Variants in ZNF91 observed in about 807,000 individuals in gnomAD.
ZNF91 encodes the protein zinc finger protein 91, also known as zinc finger protein 91 (HPF7, HTF10).
A neutral mutation model predicts 12.6 loss-of-function variants in ZNF91; 7 were observed. That is an observed-to-expected ratio of 0.55 (90% CI 0.31 to 1.04). The LOEUF is 1.04. Among genes scored for constraint, ZNF91 ranks in the 50% least tolerant of loss-of-function variants. The probability of loss-of-function intolerance (pLI) is 0.05; values close to 1 mark genes in which losing one functional copy is unlikely to be tolerated. For missense variants in ZNF91, 1,217 were observed against 1,385.4 expected, an observed-to-expected ratio of 0.88 and a Z score of 1.93; for synonymous variants, 453 against 462.6, an observed-to-expected ratio of 0.98 and a Z score of 0.27.
upstream of ZNF91, among the ~76,000 whole-genome samples, chr19:23,313,046 T>C (rs1455836274): frequency 1.3e-5 from 2 of 152,246 alleles, no homozygotes; most frequent in Non-Finnish European, 2.9e-5. Context: ...ACAGGAAAGA[T>C]TGTGCCTCTC....
At chr19:23,392,395 T>TC (rs1970096408) in intron 1 of ZNF91, among the ~76,000 whole-genome samples, 1 of 64,812 alleles carries the variant, frequency 1.5e-5, no homozygotes, top group Admixed American at 1.8e-4. Flanking sequence ...AAACTCCATC[T>TC]CAAAAAAAAA....
intron 3 of ZNF91, among the ~76,000 whole-genome samples, chr19:23,350,120 GACT>G (rs1331582315): frequency 1.1e-4 from 17 of 152,190 alleles, no homozygotes; most frequent in African/African-American, 3.9e-4. Flanking sequence ...GCTAGCACTA[GACT>G]ACTTATTAGC....
chr19:23,316,210 G>T (rs1207171519), intron 1 of ZNF91, among the ~76,000 whole-genome samples: 3 of 134,228 alleles, frequency 2.2e-5, no homozygotes, highest in African/African-American at 8.6e-5. Flanking sequence ...TTTGGGTTTT[G>T]TGACATATTG....
At chr19:23,393,405 A>C (rs1970133675) in intron 1 of ZNF91, among the ~76,000 whole-genome samples, 1 of 152,086 alleles carries the variant, frequency 6.6e-6, no homozygotes, top group African/African-American at 2.4e-5. Flanking sequence ...TTCACTAGAC[A>C]CTCTAGCACA....
In ZNF91 at chr19:23,360,710, G is replaced by A. The variant is rs1426013782; in HGVS notation, c.2269C>T (p.Leu757Phe). The change falls in exon 4 of 4, where the codon CTT becomes TTT. Residue 757 changes from leucine to phenylalanine, a missense_variant. Leu to Phe is a conservative substitution (Grantham distance 22). Coordinates refer to ENST00000300619, the MANE Select transcript of ZNF91 (RefSeq NM_003430.4). ...CGKAFNWSSS[L>F]TKHKRIHTRE... ...GTATGAATTCTTTTATGTTTAGTAA[G>A]GCTTGAGGACCAGTTAAATGCTTTG... is the stretch of plus-strand genomic sequence containing the variant. 3 of 1,613,876 alleles carry A rather than the reference G, an allele frequency of 1.9e-6. No individual in the cohort carries two copies. In the Admixed American group the frequency reaches 5.0e-5, roughly 27 times the overall value.
intron 1 of ZNF91, among the ~76,000 whole-genome samples, chr19:23,382,522 A>G (rs1160764998): frequency 3.3e-5 from 5 of 152,226 alleles, no homozygotes; most frequent in Non-Finnish European, 7.3e-5. Flanking sequence ...CACTTGACCA[A>G]ATATTCCTAA....
At chr19:23,363,183 G>A (rs922831882) in intron 3 of ZNF91, among the ~76,000 whole-genome samples, 2 of 152,136 alleles carry the variant, frequency 1.3e-5, no homozygotes, top group Non-Finnish European at 2.9e-5. Flanking sequence ...TTATAACAGA[G>A]TGCCTTTAGA....
intron 1 of ZNF91, among the ~76,000 whole-genome samples, chr19:23,386,659 G>C (rs1336972205): frequency 2.0e-5 from 3 of 152,056 alleles, no homozygotes; most frequent in Non-Finnish European, 4.4e-5. Flanking sequence ...ATCAACTCAA[G>C]ATTAATTAAA....
downstream of ZNF91, among the ~76,000 whole-genome samples, chr19:23,333,871 T>C (rs773148089): frequency 1.3e-5 from 2 of 152,218 alleles, no homozygotes; most frequent in Non-Finnish European, 2.9e-5. Context: ...TTCTGGCTCC[T>C]TTCTTTTGTC....
chr19:23,381,465 T>C (rs1969712988), intron 1 of ZNF91, among the ~76,000 whole-genome samples: 1 of 149,320 alleles, frequency 6.7e-6, no homozygotes, highest in East Asian at 1.9e-4. Context: ...TCTTTCTCTT[T>C]TTTTTTTTTT....
Position 23,359,676 on chromosome 19 carries a change from G to T in ZNF91, c.3303C>A (p.Thr1101=), listed in dbSNP as rs143698062. The change falls in exon 4 of 4, where the codon ACC becomes ACA. Residue 1101 remains threonine, a synonymous_variant. Transcript: ENST00000300619. The stretch of plus-strand genomic sequence containing the variant: ...CTCCACATTTGTAGGGTTTCTCTCC[G>T]GTGTGCAACCTCTTATGTCTAGTTA... ...STLTRHKRLH[T]GEKPYKCGEC... is the part of the protein sequence containing the mutation. 2.3e-5 allele frequency: 37 copies of T among 1,608,386 alleles called. No individual in the cohort carries two copies. The highest frequency in any genetic ancestry group is 3.0e-5 in the Non-Finnish European group (35 of 1,178,042).
intron 1 of ZNF91, chr19:23,324,813 C>G (rs1967808021): frequency 6.6e-6 from 1 of 152,054 alleles, no homozygotes; most frequent in African/African-American, 2.4e-5. Flanking sequence ...CGCAAGCTCT[C>G]TAATGTTTTT....
intron 1 of ZNF91, among the ~76,000 whole-genome samples, chr19:23,309,313 C>T (rs1967437436): frequency 2.0e-5 from 3 of 152,170 alleles, no homozygotes; most frequent in Non-Finnish European, 4.4e-5. Context: ...AGATGTGACT[C>T]TCTTCCTCTG....
rs1968573027 is a variant in ZNF91, at chr19:23,358,798, G to C, written c.*605C>G. 6.0e-6 allele frequency: 1 copy of C among 167,438 alleles called. No individual in the cohort carries two copies. Among genetic ancestry groups the C allele is most frequent in the South Asian group, 1.6e-4 (1 of 6,104 alleles). The allele number at this position is 167,438 out of a possible 1,614,324, so 10.4% of individuals were successfully genotyped here. On this transcript the variant is annotated 3_prime_UTR_variant, in exon 4 of 4. Coordinates refer to ENST00000300619, the MANE Select transcript of ZNF91 (RefSeq NM_003430.4). ...TTCACATTTCTAGGATTTCTCAGCAGCATGATTTTCTTGATGTTTAGAAAA... is the reference window on the plus strand; with the variant it reads ...TTCACATTTCTAGGATTTCTCAGCACCATGATTTTCTTGATGTTTAGAAAA...
upstream of ZNF91, among the ~76,000 whole-genome samples, chr19:23,313,336 C>T (rs1967500839): frequency 2.0e-5 from 3 of 152,300 alleles, no homozygotes; most frequent in Admixed American, 6.5e-5. Context: ...CCACAGGGCA[C>T]ATTGTTGGAA....
At chr19:23,368,864 AC>A (rs1466893768) in intron 3 of ZNF91, among the ~76,000 whole-genome samples, 4 of 151,902 alleles carry the variant, frequency 2.6e-5, no homozygotes, top group Non-Finnish European at 4.4e-5. Flanking sequence ...TCATAAAAAA[AC>A]ACAAATAAAA....
chr19:23,337,346 GTA>G (rs1418302097), downstream of ZNF91, among the ~76,000 whole-genome samples: 1 of 116,728 alleles, frequency 8.6e-6, no homozygotes, highest in South Asian at 3.1e-4. Flanking sequence ...ATGTGTGTGT[GTA>G]TGTGTGTGTG....
chr19:23,382,837 G>A lies in ZNF91; in HGVS notation c.31-8073C>T, dbSNP rs115176324. Reference sequence around the variant, plus strand: ...ATCAAAGCCCTAAACAGATGAACAAGAAGCTCAAAAACTGAACTGTAATAA... The same window carrying A: ...ATCAAAGCCCTAAACAGATGAACAAAAAGCTCAAAAACTGAACTGTAATAA... On this transcript the variant is annotated intron_variant, in intron 1 of 3. Coordinates refer to ENST00000300619, the MANE Select transcript of ZNF91 (RefSeq NM_003430.4). Among the ~76,000 whole-genome samples, 139 of 152,214 alleles carry A rather than the reference G, an allele frequency of 9.1e-4. 1 individual carries two copies. The highest frequency in any genetic ancestry group is 3.2e-3 in the African/African-American group (132 of 41,550).
intron 1 of ZNF91, among the ~76,000 whole-genome samples, chr19:23,318,760 C>A (rs1440155696): frequency 1.3e-5 from 2 of 152,220 alleles, no homozygotes; most frequent in African/African-American, 4.8e-5. Context: ...CTAAGCCCAA[C>A]ACACAGGTGA....
Sources: allele counts gnomAD v4.1 joint callset (sites outside exome capture counted in the v4.1 genomes callset), GRCh38; gene constraint gnomAD v4.1.1; transcripts MANE v1.5; gene names NCBI Gene and HGNC (gene_info 2026-07-23, HGNC 2026-07-21).